CHRNA3: variants seen among roughly 807,000 people sequenced by gnomAD.
CHRNA3 encodes the protein cholinergic receptor nicotinic alpha 3 subunit, also known as neuronal acetylcholine receptor subunit alpha-3.
A neutral mutation model predicts 41.9 loss-of-function variants in CHRNA3; 34 were observed. The observed-to-expected ratio is 0.81, with a 90% CI of 0.62 to 1.08. CHRNA3 has a LOEUF of 1.08. Among genes scored for constraint, CHRNA3 ranks in the 50% least tolerant of loss-of-function variants. The pLI is 0.00. For synonymous variants in CHRNA3, 281 were observed against 265.2 expected (o/e 1.06, Z -0.58); for missense variants, 542 against 638.3 (o/e 0.85, Z 1.63).
In CHRNA3 at chr15:78,618,934, T is replaced by TGCGGGAAG; in HGVS notation, c.83-20_83-19insCTTCCCGC. The TGCGGGAAG allele has an allele frequency of 6.2e-7, 1 of 1,611,904 alleles. No homozygotes were observed. Among genetic ancestry groups the TGCGGGAAG allele is most frequent in the Non-Finnish European group, 8.5e-7 (1 of 1,179,598 alleles). On this transcript the variant is annotated intron_variant, in intron 1 of 5. Transcript: ENST00000326828. ...CTGGCCACTGTGGGAAGCAGCCCTG[T>TGCGGGAAG]CAGTCCCTGGGGAAATCGTTACTTA...
rs1344821503 is a variant in CHRNA3 at position 78,601,844 on chromosome 15, G to A, written c.798C>T (p.Pro266=). The change falls in exon 5 of 6, where the codon CCC becomes CCT. Residue 266 remains proline, a synonymous_variant. Transcript: ENST00000326828. The part of the protein sequence containing the change: ...SFLTVLVFYL[P]SDCGEKVTLC... Reference sequence around the variant, plus strand: ...GGGTCACCTTCTCACCGCAGTCGGAGGGCAGGTAGAAGACGAGCACAGTGA... The same window carrying A: ...GGGTCACCTTCTCACCGCAGTCGGAAGGCAGGTAGAAGACGAGCACAGTGA... 1 of 1,614,164 alleles carries A rather than the reference G, an allele frequency of 6.2e-7. No homozygotes were observed. Among genetic ancestry groups the A allele is most frequent in the Non-Finnish European group, 8.5e-7 (1 of 1,180,042 alleles).
intron 5 of CHRNA3, among the ~76,000 whole-genome samples, chr15:78,597,950 TATG>T (rs2141320750): frequency 6.6e-6 from 1 of 152,310 alleles, no homozygotes; most frequent in Admixed American, 6.5e-5. Flanking sequence ...AAATTAGAAT[TATG>T]ATGCCATATT....
chr15:78,593,677 A>AGCAGT (rs1214817064), downstream of CHRNA3: 2 of 153,082 alleles, frequency 1.3e-5, no homozygotes, highest in Admixed American at 6.5e-5. Context: ...TCTTTAATAT[A>AGCAGT]ATATTATACT....
intron 4 of CHRNA3, among the ~76,000 whole-genome samples, chr15:78,615,103 C>T (rs905942016): frequency 6.6e-6 from 1 of 152,176 alleles, no homozygotes; most frequent in Non-Finnish European, 1.5e-5. Flanking sequence ...GTCCTGGACT[C>T]ACCCTTCTCA....
rs778841169 is a variant in CHRNA3 at position 78,602,125 on chromosome 15, A to G, written c.517T>C (p.Cys173Arg). 1.2e-6 allele frequency: 2 copies of G among 1,614,182 alleles called. No homozygotes were observed. Among genetic ancestry groups the G allele is most frequent in the South Asian group, 1.1e-5 (1 of 91,078 alleles). Residue 173 changes from cysteine to arginine, a missense_variant, in exon 5 of 6, where the codon TGT becomes CGT. Coordinates refer to ENST00000326828, the MANE Select transcript of CHRNA3 (RefSeq NM_000743.5). ...GACCAGGAACCGAACTTCATGGTAC[A>G]GTTTTGGTAATCAAACGGGAAGTAG... The part of the protein sequence containing the change: ...VTYFPFDYQN[C>R]TMKFGSWSYD...
chr15:78,618,540 G>C, intron 3 of CHRNA3, 77 bp downstream of exon 3: 1 of 1,542,052 alleles, frequency 6.5e-7, no homozygotes, highest in South Asian at 1.1e-5. Flanking sequence ...CTGGTCTTTA[G>C]GCCTTTCTTG....
chr15:78,614,636 A>G (rs1001410547), intron 4 of CHRNA3, among the ~76,000 whole-genome samples: 6 of 152,228 alleles, frequency 3.9e-5, no homozygotes, highest in African/African-American at 1.4e-4. Flanking sequence ...ATGGCATAAA[A>G]ACCTAGAAGT....
chr15:78,601,900 G>A lies in CHRNA3; in HGVS notation c.742C>T (p.Leu248Phe). 2 of 1,614,074 alleles carry A rather than the reference G, an allele frequency of 1.2e-6. No individual in the cohort carries two copies. The highest frequency in any genetic ancestry group is 1.3e-5 in the African/African-American group (1 of 75,028). ...RRLPLFYTIN[L>F]IIPCLLISFL... is the part of the protein sequence containing the mutation. ...GAGATGAGCAGGCAGGGGATGATGA[G>A]GTTGATGGTGTAGAACAAGGGCAGG... Residue 248 changes from leucine (L) to phenylalanine (F), a missense_variant, in exon 5 of 6, where the codon CTC (leucine) becomes TTC (phenylalanine). Leu to Phe is a conservative substitution (Grantham distance 22). Coordinates refer to ENST00000326828, the MANE Select transcript of CHRNA3 (RefSeq NM_000743.5).
Position 78,601,278 on chromosome 15 carries a change from A to G in CHRNA3, c.1364T>C (p.Met455Thr), listed in dbSNP as rs1160995345. ...IQSVKYIAEN[M>T]KAQNEAKEIQ... is the part of the protein sequence containing the mutation. ...CTCTTTGGCTTCATTTTGTGCTTTC[A>G]TATTTTCAGCAATATACTTGACACT... Residue 455 changes from methionine to threonine, a missense_variant, in exon 5 of 6, where the codon ATG becomes ACG. By Grantham distance (81) the Met-to-Thr change is moderately conservative. Coordinates refer to ENST00000326828, the MANE Select transcript of CHRNA3 (RefSeq NM_000743.5). 2.5e-6 allele frequency: 4 copies of G among 1,613,540 alleles called. No individual in the cohort carries two copies. Among genetic ancestry groups the G allele is most frequent in the African/African-American group, 1.3e-5 (1 of 74,882 alleles).
intron 4 of CHRNA3, among the ~76,000 whole-genome samples, chr15:78,603,256 C>T (rs1313544361): frequency 2.0e-5 from 3 of 152,246 alleles, no homozygotes; most frequent in Non-Finnish European, 4.4e-5. Flanking sequence ...CTCAAGTGAT[C>T]TGCCCACCTC....
rs764213179 is a variant in CHRNA3 at position 78,596,461 on chromosome 15, CAAGAT to C, written c.*138_*142del. ...TGACATTTTTTTTTTTGCATGATTC[CAAGAT>C]AAGTGGAAAATAAGTAAACCTCGAA... On this transcript the variant is annotated 3_prime_UTR_variant, in exon 6 of 6. Transcript: ENST00000326828. The C allele has an allele frequency of 1.1e-4, 144 of 1,301,994 alleles. No individual in the cohort carries two copies. In the Middle Eastern group the frequency reaches 1.5e-3, roughly 13 times the overall value. The allele number at this position is 1,301,994 out of a possible 1,614,324, so 80.7% of individuals were successfully genotyped here.
chr15:78,604,440 A>C (rs547710318), intron 4 of CHRNA3, among the ~76,000 whole-genome samples: 2 of 152,218 alleles, frequency 1.3e-5, no homozygotes, highest in Non-Finnish European at 2.9e-5. Flanking sequence ...AGACACAGAA[A>C]TGTGTGCATG....
downstream of CHRNA3, chr15:78,593,164 A>T (rs200357731): frequency 3.7e-6 from 6 of 1,613,868 alleles, no homozygotes; most frequent in Non-Finnish European, 5.1e-6. Context: ...TTTCGTTTCA[A>T]TTGTTGGATC....
At chr15:78,602,842 C>T (rs371646604) in intron 4 of CHRNA3, among the ~76,000 whole-genome samples, 1 of 151,946 alleles carries the variant, frequency 6.6e-6, no homozygotes, top group Non-Finnish European at 1.5e-5. Context: ...ATTCCCTGTA[C>T]CCTCCCCACC....
chr15:78,613,396 AATG>A (rs1268509587), intron 4 of CHRNA3, among the ~76,000 whole-genome samples: 1 of 152,258 alleles, frequency 6.6e-6, no homozygotes, highest in Non-Finnish European at 1.5e-5. Flanking sequence ...AGCCATAAAA[AATG>A]ATGAGTTCAT....
chr15:78,596,335 T>C lies in CHRNA3; in HGVS notation c.*269A>G. ...AAAGGAAACATTTTTACATGTATAT[T>C]CCATAGCATAGCATACTAATCACAT... On this transcript the variant is annotated 3_prime_UTR_variant, in exon 6 of 6. Transcript: ENST00000326828. 1.9e-6 allele frequency: 2 copies of C among 1,067,722 alleles called. No individual in the cohort carries two copies. The highest frequency in any genetic ancestry group is 6.6e-5 in the East Asian group (1 of 15,156). 66.1% of individuals were successfully genotyped at this position (1,067,722 alleles called of 1,614,324 possible). A position where few individuals can be genotyped will look rare whatever the true frequency, so the allele number is the denominator to read the frequency against.
At chr15:78,593,716 ATAATTACT>A (rs1473831451), downstream of CHRNA3, 1 of 152,414 alleles carries the variant, frequency 6.6e-6, no homozygotes, top group Non-Finnish European at 1.5e-5. Flanking sequence ...ACTACTTGAT[ATAATTACT>A]TAATGTGATG....
chr15:78,596,386 C>G lies in CHRNA3; in HGVS notation c.*218G>C. 1 of 1,211,656 alleles carries G rather than the reference C, an allele frequency of 8.3e-7. No homozygotes were observed. The highest frequency in any genetic ancestry group is 1.0e-6 in the Non-Finnish European group (1 of 972,990). The allele number at this position is 1,211,656 out of a possible 1,614,324, so 75.1% of individuals were successfully genotyped here. ...AGAATCACATTTTGACATCTCTTTACCATACCAAAAAGGCTAGTTAAATGT... is the reference window on the plus strand; with the variant it reads ...AGAATCACATTTTGACATCTCTTTAGCATACCAAAAAGGCTAGTTAAATGT... On this transcript the variant is annotated 3_prime_UTR_variant, in exon 6 of 6. Transcript: ENST00000326828.
At chr15:78,617,804 C>T (rs867190860) in intron 3 of CHRNA3, among the ~76,000 whole-genome samples, 2 of 152,278 alleles carry the variant, frequency 1.3e-5, no homozygotes, top group East Asian at 1.9e-4. Context: ...AAGGGTCACC[C>T]GCAGGCCAAT....
Sources: gnomAD v4.1 joint callset for allele counts (sites outside exome capture counted in the v4.1 genomes callset) on GRCh38, gnomAD v4.1.1 for gene constraint, MANE v1.5 for transcripts, NCBI Gene and HGNC (gene_info 2026-07-23, HGNC 2026-07-21) for gene names.